Variants in CNTNAP5 observed in about 807,000 individuals in gnomAD.
The protein encoded by CNTNAP5 is contactin-associated protein-like 5.
A neutral mutation model predicts 150.2 loss-of-function variants in CNTNAP5; 72 were observed. The ratio of observed to expected loss-of-function variants is 0.48; its 90% CI spans 0.40 to 0.58. The LOEUF is 0.58. Ranked by LOEUF, CNTNAP5 falls within the 20% of genes least tolerant of loss-of-function variation. CNTNAP5 has a pLI of 0.00. For synonymous variants in CNTNAP5, 672 were observed against 619.8 expected (o/e 1.08, Z -1.25); for missense variants, 1,636 against 1,626.2 (o/e 1.01, Z -0.10).
chr2:124,389,403 A>T (rs2104746718), intron 3 of CNTNAP5, among the ~76,000 whole-genome samples: 1 of 152,252 alleles, frequency 6.6e-6, no homozygotes. Flanking sequence ...GACATTTTTC[A>T]TGTAGTTCCT....
intron 19 of CNTNAP5, among the ~76,000 whole-genome samples, chr2:124,820,974 T>C (rs904478563): frequency 1.3e-5 from 2 of 152,204 alleles, no homozygotes; most frequent in Admixed American, 6.5e-5. Flanking sequence ...TGTGGAAATA[T>C]GCAGTGGTTC....
rs763484016 is a variant in CNTNAP5 at position 124,434,668 on chromosome 2, C to T, written c.714C>T (p.Leu238=). 1.6e-5 allele frequency: 25 copies of T among 1,611,974 alleles called. No individual in the cohort carries two copies. Among genetic ancestry groups the T allele is most frequent in the East Asian group, 2.2e-5 (1 of 44,808 alleles). ...CCTTGGAACTCCAGAAGGGGAGGCT[C>T]GCCCTACACCTCAATTTGGGTAGGC... ...HITLELQKGR[L]ALHLNLGDSK... is the part of the protein sequence containing the mutation. The change falls in exon 5 of 24, where the codon CTC becomes CTT. Residue 238 remains leucine, a synonymous_variant. Transcript: ENST00000682447.
chr2:124,418,453 C>T (rs11123042), intron 4 of CNTNAP5, among the ~76,000 whole-genome samples: 11,415 of 152,068 alleles, frequency 0.075, 628 homozygotes, highest in Non-Finnish European at 0.12. Context: ...AGGAGTGTTG[C>T]CTAGAAAATG....
intron 1 of CNTNAP5, among the ~76,000 whole-genome samples, chr2:124,051,193 C>A (rs917431551): frequency 6.7e-6 from 1 of 149,140 alleles, no homozygotes; most frequent in African/African-American, 2.5e-5. Context: ...CTTTCCATCT[C>A]TTTCCTCAAA....
chr2:124,833,163 G>A (rs1299062221), intron 19 of CNTNAP5, among the ~76,000 whole-genome samples: 3 of 152,028 alleles, frequency 2.0e-5, no homozygotes, highest in Admixed American at 1.3e-4. Flanking sequence ...GCCTTCCTTG[G>A]CCTCCCAAAG....
intron 17 of CNTNAP5, among the ~76,000 whole-genome samples, chr2:124,785,693 G>C (rs1388086024): frequency 6.6e-6 from 1 of 152,196 alleles, no homozygotes; most frequent in Non-Finnish European, 1.5e-5. Context: ...AAGCTGGTGG[G>C]GTAAGGGGAG....
intron 6 of CNTNAP5, among the ~76,000 whole-genome samples, chr2:124,456,379 A>G (rs1186597149): frequency 6.6e-6 from 1 of 152,184 alleles, no homozygotes; most frequent in Non-Finnish European, 1.5e-5. Context: ...AAAGACCTCT[A>G]CAAGAAAAAC....
intron 1 of CNTNAP5, among the ~76,000 whole-genome samples, chr2:124,064,178 C>T (rs2104656691): frequency 6.6e-6 from 1 of 152,154 alleles, no homozygotes; most frequent in African/African-American, 2.4e-5. Flanking sequence ...AGATCAAATC[C>T]CCCTGTATTA....
intron 1 of CNTNAP5, among the ~76,000 whole-genome samples, chr2:124,054,569 A>G (rs1440175406): frequency 2.6e-5 from 4 of 152,152 alleles, no homozygotes; most frequent in Admixed American, 6.5e-5. Context: ...AAAAGGAGTC[A>G]AAAAGCATGA....
intron 3 of CNTNAP5, among the ~76,000 whole-genome samples, chr2:124,302,032 G>C (rs1039487176): frequency 6.6e-6 from 1 of 152,294 alleles, no homozygotes; most frequent in East Asian, 1.9e-4. Context: ...AAGACCCTAA[G>C]ATGGCATACA....
chr2:124,251,292 A>AT (rs1553451865), intron 3 of CNTNAP5, among the ~76,000 whole-genome samples: 2 of 150,200 alleles, frequency 1.3e-5, no homozygotes, highest in Admixed American at 6.6e-5. Flanking sequence ...GTTTTCCCCC[A>AT]CCCCCCCAAG....
intron 1 of CNTNAP5, among the ~76,000 whole-genome samples, chr2:124,072,424 G>A (rs954671937): frequency 6.6e-6 from 1 of 151,780 alleles, no homozygotes; most frequent in Non-Finnish European, 1.5e-5. Context: ...AAATTATAAA[G>A]AAAGAAATCA....
intron 1 of CNTNAP5, among the ~76,000 whole-genome samples, chr2:124,096,721 A>C (rs34667263): frequency 0.14 from 20,542 of 151,754 alleles, 1,491 homozygotes; most frequent in Middle Eastern, 0.23. Flanking sequence ...TATTTATTAT[A>C]GAGACAGAGT....
chr2:124,705,101 G>A (rs921204957), intron 13 of CNTNAP5, among the ~76,000 whole-genome samples: 1 of 151,250 alleles, frequency 6.6e-6, no homozygotes, highest in East Asian at 1.9e-4. Context: ...ATAGTTAAAT[G>A]TATACATATA....
At chr2:124,891,185 G>A (rs1678186921) in intron 21 of CNTNAP5, among the ~76,000 whole-genome samples, 1 of 152,034 alleles carries the variant, frequency 6.6e-6, no homozygotes, top group Non-Finnish European at 1.5e-5. Flanking sequence ...ATGGCTAGTG[G>A]CTGGGATAGT....
rs1692831970 is a variant in CNTNAP5, at chr2:124,446,856, G to A, written c.837G>A (p.Lys279=). ...WHSVLIERVG[K]QVNFTVDKHT... is the part of the protein sequence containing the mutation. ...CGGTCCTCATTGAGCGGGTGGGCAA[G>A]CAGGTGAACTTCACGGTGGACAAGC... Residue 279 remains lysine (K), a synonymous_variant, in exon 6 of 24, where the codon AAG becomes AAA. Transcript: ENST00000682447. 2.5e-6 allele frequency: 4 copies of A among 1,613,970 alleles called. No homozygotes were observed. The highest frequency in any genetic ancestry group is 3.4e-6 in the Non-Finnish European group (4 of 1,179,868).
At chr2:124,245,555 A>G (rs1409656744) in intron 3 of CNTNAP5, among the ~76,000 whole-genome samples, 1 of 147,730 alleles carries the variant, frequency 6.8e-6, no homozygotes, top group African/African-American at 2.5e-5. Flanking sequence ...GTTTATCAAG[A>G]AAATAGAGAA....
chr2:124,681,618 C>T (rs1679070100), intron 13 of CNTNAP5, among the ~76,000 whole-genome samples: 1 of 152,186 alleles, frequency 6.6e-6, no homozygotes, highest in Admixed American at 6.5e-5. Context: ...GGCCGGAGTG[C>T]AGTGCTACGA....
intron 16 of CNTNAP5, among the ~76,000 whole-genome samples, chr2:124,770,924 G>T (rs1319745277): frequency 6.6e-6 from 1 of 152,100 alleles, no homozygotes; most frequent in Non-Finnish European, 1.5e-5. Flanking sequence ...GAAAATTAAG[G>T]CATGGTGACA....
Sources: gnomAD v4.1 joint callset for allele counts (sites outside exome capture counted in the v4.1 genomes callset) on GRCh38, gnomAD v4.1.1 for gene constraint, MANE v1.5 for transcripts, NCBI Gene and HGNC (gene_info 2026-07-23, HGNC 2026-07-21) for gene names.